Variants in JMJD1C observed in about 807,000 individuals in gnomAD.
JMJD1C encodes jumonji domain-containing protein 1C.
Under a neutral mutation model 245.3 loss-of-function variants are expected in JMJD1C, and 31 were observed. The observed-to-expected ratio is 0.13, with a 90% CI of 0.09 to 0.17. The LOEUF (loss-of-function observed/expected upper bound fraction) is 0.17, where lower values mean the gene tolerates loss of function less well. Among genes scored for constraint, JMJD1C ranks in the 10% least tolerant of loss-of-function variants. The pLI is 1.00. For missense variants in JMJD1C, 2,691 were observed against 3,000.2 expected (o/e 0.90, Z 2.41); for synonymous variants, 1,057 against 1,017.4 (o/e 1.04, Z -0.74).
chr10:63,269,090 C>G (rs995152734), intron 2 of JMJD1C: 2 of 985,338 alleles, frequency 2.0e-6, no homozygotes, highest in Admixed American at 1.2e-4. Context: ...AGGTCGCTTA[C>G]ATAACCAGTA....
rs374321172 is a variant in JMJD1C at position 63,208,314 on chromosome 10, C to T, written c.3355G>A (p.Gly1119Ser). The change falls in exon 10 of 26, where the codon GGT (glycine) becomes AGT (serine). Residue 1119 changes from glycine to serine, a missense_variant. Coordinates refer to ENST00000399262, the MANE Select transcript of JMJD1C (RefSeq NM_032776.3). ...GCAAGGGCATTACTCTGTTTATCAC[C>T]GTAAATATTTGAAACTTCTTTGGAT... ...YPSKEVSNIY[G>S]DKQSNALAAA... The T allele has an allele frequency of 3.1e-6, 5 of 1,613,668 alleles. No homozygotes were observed. The African/African-American group carries it at 4.0e-5, about 13-fold the overall frequency.
intron 23 of JMJD1C, 163 bp downstream of exon 23, chr10:63,177,554 G>A (rs35854283): frequency 0.25 from 165,530 of 674,056 alleles, 23,530 homozygotes; most frequent in Non-Finnish European, 0.3. Flanking sequence ...TTTCAAAGAG[G>A]AGCAAGAGAA....
At chr10:63,307,452 A>G (rs774862280) in intron 2 of JMJD1C, among the ~76,000 whole-genome samples, 1 of 152,224 alleles carries the variant, frequency 6.6e-6, no homozygotes, top group African/African-American at 2.4e-5. Context: ...ACTACAAACT[A>G]CATCAGGAGA....
chr10:63,437,166 G>C (rs183510093), intron 1 of JMJD1C, among the ~76,000 whole-genome samples: 1 of 152,296 alleles, frequency 6.6e-6, no homozygotes, highest in East Asian at 1.9e-4. Flanking sequence ...CTGGAGATGA[G>C]TGACTGTAGG....
At chr10:63,358,812 T>C (rs770365408) in intron 2 of JMJD1C, 1 of 153,246 alleles carries the variant, frequency 6.5e-6, no homozygotes, top group African/African-American at 2.4e-5. Context: ...CAGTTAAAAC[T>C]ATCTAGTTCA....
chr10:63,516,967 G>A (rs1407125975), intron 1 of JMJD1C, among the ~76,000 whole-genome samples: 2 of 152,154 alleles, frequency 1.3e-5, no homozygotes, highest in South Asian at 2.1e-4. Flanking sequence ...CCATCTAGCA[G>A]CAGACAGAAA....
chr10:63,391,127 G>A (rs889333689), intron 1 of JMJD1C, among the ~76,000 whole-genome samples: 1 of 152,094 alleles, frequency 6.6e-6, no homozygotes, highest in African/African-American at 2.4e-5. Context: ...TCATAGAACT[G>A]ATCAATTCAG....
intron 10 of JMJD1C, chr10:63,203,028 A>G: frequency 1.0e-6 from 1 of 985,058 alleles, no homozygotes; most frequent in Non-Finnish European, 1.2e-6. Flanking sequence ...GTAAAGAATC[A>G]GACATTTCAA....
chr10:63,194,232 C>A (rs925259052), intron 14 of JMJD1C, 54 bp downstream of exon 14: 10 of 1,097,340 alleles, frequency 9.1e-6, no homozygotes, highest in Non-Finnish European at 1.4e-5. Flanking sequence ...TTAAGTGTTT[C>A]CTTAATCTGG....
chr10:63,329,478 GA>G (rs61422373), intron 2 of JMJD1C, among the ~76,000 whole-genome samples: 71,451 of 116,582 alleles, frequency 0.61, 21,866 homozygotes, highest in African/African-American at 0.82. Context: ...TCCATCAATT[GA>G]AAAAAAAAAA....
intron 1 of JMJD1C, among the ~76,000 whole-genome samples, chr10:63,402,614 A>G (rs1292285082): frequency 2.0e-5 from 3 of 152,196 alleles, no homozygotes; most frequent in African/African-American, 7.2e-5. Context: ...ATGTTGCACT[A>G]AAGTATAAAA....
intron 3 of JMJD1C, among the ~76,000 whole-genome samples, chr10:63,248,255 G>A (rs572231451): frequency 5.5e-4 from 84 of 152,216 alleles, no homozygotes; most frequent in Admixed American, 2.9e-3. Context: ...AAGGTCAGGA[G>A]ATCGAGACCA....
intron 2 of JMJD1C, among the ~76,000 whole-genome samples, chr10:63,376,687 A>G (rs1946769367): frequency 6.6e-6 from 1 of 152,242 alleles, no homozygotes; most frequent in African/African-American, 2.4e-5. Context: ...TCAACATCAC[A>G]TTAAGCATTA....
intron 1 of JMJD1C, among the ~76,000 whole-genome samples, chr10:63,404,346 T>C (rs1949047891): frequency 6.6e-6 from 1 of 152,198 alleles, no homozygotes; most frequent in African/African-American, 2.4e-5. Context: ...AGAGAAAAGA[T>C]ATACGACACA....
chr10:63,362,476 TA>T (rs1379713406), intron 2 of JMJD1C, among the ~76,000 whole-genome samples: 12 of 22,080 alleles, frequency 5.4e-4, no homozygotes, highest in South Asian at 2.4e-3. Context: ...TATTTATTTA[TA>T]TATATATTTA....
chr10:63,168,548 A>C lies in JMJD1C; in HGVS notation c.7420T>G (p.Cys2474Gly). Reference sequence around the variant, plus strand: ...ACAAAATCTTCAGTTACCTGAATACAGCTGTGAAAATTCTGAACCTATCCC... The same window carrying C: ...ACAAAATCTTCAGTTACCTGAATACCGCTGTGAAAATTCTGAACCTATCCC... ...ALHQVQNFHS[C>G]IQVTEDFVSP... The change falls in exon 25 of 26, where the codon TGT becomes GGT. Residue 2474 changes from cysteine to glycine, a missense_variant. This residue lies in a region of JMJD1C where 232 missense variants were observed against 416.1 expected (regional missense o/e 0.56). Coordinates refer to ENST00000399262, the MANE Select transcript of JMJD1C (RefSeq NM_032776.3). 6.3e-7 allele frequency: 1 copy of C among 1,597,382 alleles called. No homozygotes were observed. Among genetic ancestry groups the C allele is most frequent in the Non-Finnish European group, 8.5e-7 (1 of 1,174,082 alleles).
intron 16 of JMJD1C, among the ~76,000 whole-genome samples, chr10:63,191,710 C>T (rs892822158): frequency 1.3e-5 from 2 of 151,984 alleles, no homozygotes; most frequent in African/African-American, 2.4e-5. Flanking sequence ...AGTGGCCGGG[C>T]GCGGTGGCTC....
At chr10:63,461,442 A>G (rs1952792954) in intron 1 of JMJD1C, among the ~76,000 whole-genome samples, 1 of 152,216 alleles carries the variant, frequency 6.6e-6, no homozygotes, top group East Asian at 1.9e-4. Flanking sequence ...CAACTAAATA[A>G]GAAACTTAAA....
Position 63,215,423 on chromosome 10 carries a change from G to C in JMJD1C, c.855C>G (p.Pro285=). The C allele has an allele frequency of 1.9e-6, 3 of 1,614,032 alleles. No individual in the cohort carries two copies. Among genetic ancestry groups the C allele is most frequent in the Non-Finnish European group, 2.5e-6 (3 of 1,180,002 alleles). Residue 285 remains proline, a synonymous_variant, in exon 7 of 26, where the codon CCC becomes CCG. Coordinates refer to ENST00000399262, the MANE Select transcript of JMJD1C (RefSeq NM_032776.3). ...SHYTRAQANS[P]RPAMNSQAAV... is the part of the protein sequence containing the mutation. The stretch of plus-strand genomic sequence containing the variant: ...CAGCTTGGGAGTTCATTGCTGGTCT[G>C]GGACTATTTGCTTGGGCACGTGTAT...
Sources: gnomAD v4.1 joint callset for allele counts (sites outside exome capture counted in the v4.1 genomes callset) on GRCh38, gnomAD v4.1.1 for gene constraint, gnomAD v4.1.1 regional missense constraint, MANE v1.5 for transcripts, NCBI Gene and HGNC (gene_info 2026-07-23, HGNC 2026-07-21) for gene names.